Variants in EMP2 observed in about 807,000 individuals in gnomAD.
EMP2 encodes epithelial membrane protein 2.
EMP2 carries 19 observed loss-of-function variants against 13.7 expected under a neutral mutation model. The ratio of observed to expected loss-of-function variants is 1.38; its 90% CI spans 0.97 to 2.03. EMP2 has a LOEUF of 2.03. Among genes scored for constraint, EMP2 ranks in the 30% most tolerant of loss-of-function variants. EMP2 has a pLI of 0.00. For missense variants in EMP2, 253 were observed against 220.7 expected, an observed-to-expected ratio of 1.15 and a Z score of -0.93; for synonymous variants, 97 against 84.7, an observed-to-expected ratio of 1.15 and a Z score of -0.80.
chr16:10,551,780 T>C (rs1348826889), intron 1 of EMP2, among the ~76,000 whole-genome samples: 2 of 152,174 alleles, frequency 1.3e-5, no homozygotes, highest in Non-Finnish European at 2.9e-5. Flanking sequence ...ATGCACTGAC[T>C]GCACAAACCC....
chr16:10,573,529 C>T (rs1346749576), intron 1 of EMP2, among the ~76,000 whole-genome samples: 1 of 152,214 alleles, frequency 6.6e-6, no homozygotes, highest in African/African-American at 2.4e-5. Context: ...TCCATGGAGT[C>T]TCTGACCCCC....
intron 1 of EMP2, among the ~76,000 whole-genome samples, chr16:10,556,179 C>T (rs1055809121): frequency 7.9e-5 from 12 of 152,174 alleles, no homozygotes; most frequent in African/African-American, 2.9e-4. Flanking sequence ...AACTCCTTTT[C>T]CCCTAGCATT....
chr16:10,543,182 G>A (rs983140587), intron 3 of EMP2, among the ~76,000 whole-genome samples: 1 of 152,220 alleles, frequency 6.6e-6, no homozygotes, highest in Non-Finnish European at 1.5e-5. Flanking sequence ...AGGGAAAAGT[G>A]ACTGGAGAGT....
At position 10,531,915 on chromosome 16, in the gene EMP2, C is replaced by G. The variant is rs940811738; in HGVS notation, c.*990G>C. On this transcript the variant is annotated 3_prime_UTR_variant, in exon 5 of 5. Coordinates refer to ENST00000359543, the MANE Select transcript of EMP2 (RefSeq NM_001424.6). ...TGGGAAGGAGGCTGTACCCCACACC[C>G]TGAAGGTGTCTATGAGTTCACATGG... The G allele has an allele frequency of 1.3e-5, 2 of 154,810 alleles. No homozygotes were observed. The highest frequency in any genetic ancestry group is 4.8e-5 in the African/African-American group (2 of 41,490). 9.6% of individuals were successfully genotyped at this position (154,810 alleles called of 1,614,324 possible).
intron 1 of EMP2, among the ~76,000 whole-genome samples, chr16:10,567,159 G>C (rs572577329): frequency 1.4e-4 from 21 of 152,166 alleles, no homozygotes; most frequent in African/African-American, 2.4e-4. Flanking sequence ...TTTCTGTCTT[G>C]CTGTCTGGAA....
chr16:10,579,248 TTTC>T, intron 1 of EMP2, among the ~76,000 whole-genome samples: 1 of 152,252 alleles, frequency 6.6e-6, no homozygotes, highest in Middle Eastern at 3.4e-3. Flanking sequence ...CTCTTTAAGC[TTTC>T]TTAACTGAAG....
intron 1 of EMP2, among the ~76,000 whole-genome samples, chr16:10,552,585 G>C (rs770253359): frequency 5.9e-5 from 9 of 152,170 alleles, no homozygotes; most frequent in Non-Finnish European, 1.2e-4. Context: ...AAATGTATTT[G>C]TAGCTAGAAT....
At chr16:10,550,277 A>G (rs1001805100) in intron 1 of EMP2, among the ~76,000 whole-genome samples, 9 of 152,148 alleles carry the variant, frequency 5.9e-5, no homozygotes, top group African/African-American at 1.9e-4. Flanking sequence ...TCCATAGTCA[A>G]ATTTCCCCAA....
intron 3 of EMP2, among the ~76,000 whole-genome samples, chr16:10,539,254 G>A (rs2050675453): frequency 8.0e-6 from 1 of 124,402 alleles, no homozygotes; most frequent in Non-Finnish European, 1.9e-5. Flanking sequence ...TTTTCTTTCT[G>A]TCTTTTTTTT....
chr16:10,567,970 G>C (rs532675593), intron 1 of EMP2, among the ~76,000 whole-genome samples: 2 of 152,242 alleles, frequency 1.3e-5, no homozygotes, highest in Non-Finnish European at 2.9e-5. Flanking sequence ...CCCCCAGTAA[G>C]TGGCAGAGCT....
intron 1 of EMP2, among the ~76,000 whole-genome samples, chr16:10,565,594 T>G (rs968496847): frequency 3.3e-5 from 5 of 152,204 alleles, no homozygotes; most frequent in African/African-American, 1.2e-4. Flanking sequence ...TTGGTTTCTC[T>G]GCAGAACCCT....
At chr16:10,553,657 C>A (rs866196481) in intron 1 of EMP2, among the ~76,000 whole-genome samples, 1 of 152,240 alleles carries the variant, frequency 6.6e-6, no homozygotes, top group Non-Finnish European at 1.5e-5. Flanking sequence ...AATAATATCC[C>A]TCAGAGAACA....
chr16:10,541,060 C>T (rs952403891), intron 3 of EMP2, among the ~76,000 whole-genome samples: 1 of 151,786 alleles, frequency 6.6e-6, no homozygotes, highest in African/African-American at 2.4e-5. Flanking sequence ...TGCACTCCAG[C>T]CAGAGTGACA....
intron 1 of EMP2, among the ~76,000 whole-genome samples, chr16:10,572,286 G>A (rs1239627554): frequency 6.6e-6 from 1 of 151,790 alleles, no homozygotes; most frequent in South Asian, 2.1e-4. Context: ...CAAGACCCCA[G>A]TCTCTACAAA....
intron 1 of EMP2, among the ~76,000 whole-genome samples, chr16:10,547,992 C>T (rs968143703): frequency 6.6e-5 from 10 of 152,054 alleles, no homozygotes; most frequent in African/African-American, 2.4e-4. Context: ...CATAATTGCG[C>T]CACTGCACTC....
chr16:10,537,887 C>A (rs748004240), intron 4 of EMP2, 41 bp downstream of exon 4: 4 of 1,604,332 alleles, frequency 2.5e-6, no homozygotes, highest in Non-Finnish European at 3.4e-6. Flanking sequence ...AGTGCTTATT[C>A]CAGAAAGCCC....
At chr16:10,541,815 C>T (rs2142176153) in intron 3 of EMP2, among the ~76,000 whole-genome samples, 1 of 152,318 alleles carries the variant, frequency 6.6e-6, no homozygotes, top group East Asian at 1.9e-4. Flanking sequence ...AACTTAACTG[C>T]TCTCTGCCTC....
intron 3 of EMP2, 81 bp downstream of exon 3, chr16:10,543,489 G>A: frequency 1.3e-6 from 2 of 1,490,636 alleles, no homozygotes; most frequent in Non-Finnish European, 1.9e-6. Flanking sequence ...AGGGTACGGA[G>A]TCGGGGAACC....
intron 1 of EMP2, among the ~76,000 whole-genome samples, chr16:10,551,463 G>C (rs2050787812): frequency 6.6e-6 from 1 of 152,204 alleles, no homozygotes; most frequent in Non-Finnish European, 1.5e-5. Flanking sequence ...CTGGAGTGCA[G>C]TGGCACAATC....
Sources: gnomAD v4.1 joint callset for allele counts (sites outside exome capture counted in the v4.1 genomes callset) on GRCh38, gnomAD v4.1.1 for gene constraint, MANE v1.5 for transcripts, NCBI Gene and HGNC (gene_info 2026-07-23, HGNC 2026-07-21) for gene names.